The following SMPD3 variants were observed in gnomAD, a reference collection of about 807,000 sequenced individuals.
SMPD3 encodes the protein sphingomyelin phosphodiesterase 3.
SMPD3 carries 21 observed loss-of-function variants against 55.7 expected under a neutral mutation model. The ratio of observed to expected loss-of-function variants is 0.38; its 90% confidence interval spans 0.27 to 0.54. The LOEUF is 0.54. Among genes scored for constraint, SMPD3 ranks in the 20% least tolerant of loss-of-function variants. SMPD3 has a pLI of 0.80. For missense variants in SMPD3, 842 were observed against 899.6 expected (o/e 0.94, Z 0.82); for synonymous variants, 457 against 404.3 (o/e 1.13, Z -1.56).
At chr16:68,363,361 G>A in intron 7 of SMPD3, 135 bp downstream of exon 7, 1 of 966,488 alleles carries the variant, frequency 1.0e-6, no homozygotes, top group Non-Finnish European at 1.6e-6. Context: ...TCAAAGGTGA[G>A]ATGAGGGACA....
At chr16:68,392,658 T>TA (rs1321592554) in intron 1 of SMPD3, among the ~76,000 whole-genome samples, 1 of 151,864 alleles carries the variant, frequency 6.6e-6, no homozygotes, top group Non-Finnish European at 1.5e-5. Flanking sequence ...GGCCAAGAGT[T>TA]AGAGACCAGC....
intron 7 of SMPD3, 21 bp from the exon 8 acceptor site, chr16:68,361,780 C>T: frequency 6.2e-7 from 1 of 1,608,562 alleles, no homozygotes; most frequent in Non-Finnish European, 8.5e-7. Flanking sequence ...ATGCAGGAGG[C>T]AGGTGGGCCC....
chr16:68,427,505 A>G (rs1263114839), intron 1 of SMPD3, among the ~76,000 whole-genome samples: 2 of 152,250 alleles, frequency 1.3e-5, no homozygotes, highest in Non-Finnish European at 2.9e-5. Context: ...GACACTGTCC[A>G]ATATGGTAGC....
intron 1 of SMPD3, among the ~76,000 whole-genome samples, chr16:68,443,881 T>G (rs1004461599): frequency 2.6e-5 from 4 of 152,230 alleles, no homozygotes; most frequent in African/African-American, 4.8e-5. Context: ...AGATCCAGGA[T>G]GGAACCTAAA....
intron 1 of SMPD3, among the ~76,000 whole-genome samples, chr16:68,435,931 C>A (rs190783302): frequency 1.3e-5 from 2 of 152,216 alleles, no homozygotes; most frequent in African/African-American, 2.4e-5. Flanking sequence ...CTGCACCCCA[C>A]AAACACCAAG....
chr16:68,446,704 G>A (rs1365294309), intron 1 of SMPD3, among the ~76,000 whole-genome samples: 4 of 152,226 alleles, frequency 2.6e-5, no homozygotes, highest in Admixed American at 6.5e-5. Context: ...CTGATGGGGC[G>A]TGGGAGGGTC....
At chr16:68,377,453 G>A (rs2089844386) in intron 2 of SMPD3, among the ~76,000 whole-genome samples, 1 of 152,194 alleles carries the variant, frequency 6.6e-6, no homozygotes, top group Admixed American at 6.5e-5. Context: ...CTGATAATTT[G>A]TAGTCAATCT....
intron 1 of SMPD3, among the ~76,000 whole-genome samples, chr16:68,423,454 A>C (rs2090412370): frequency 6.6e-6 from 1 of 152,100 alleles, no homozygotes; most frequent in Non-Finnish European, 1.5e-5. Context: ...AGAGGAAGAG[A>C]GATCTGAGCT....
intron 1 of SMPD3, among the ~76,000 whole-genome samples, chr16:68,434,262 G>C (rs896651310): frequency 3.3e-4 from 50 of 152,134 alleles, no homozygotes; most frequent in Non-Finnish European, 6.6e-4. Context: ...GTAAATTTAT[G>C]CCCACAACTG....
intron 3 of SMPD3, among the ~76,000 whole-genome samples, chr16:68,365,621 T>C (rs2089456164): frequency 6.6e-6 from 1 of 152,146 alleles, no homozygotes; most frequent in Non-Finnish European, 1.5e-5. Flanking sequence ...TCTGGCTGCA[T>C]GGTGAGTCAT....
chr16:68,390,289 T>C (rs1417410482), intron 1 of SMPD3, among the ~76,000 whole-genome samples: 2 of 152,246 alleles, frequency 1.3e-5, no homozygotes, highest in East Asian at 3.8e-4. Context: ...CTAGCTTCTT[T>C]ACTGCATCCT....
chr16:68,384,474 C>G (rs887302453), intron 2 of SMPD3, among the ~76,000 whole-genome samples: 1 of 152,198 alleles, frequency 6.6e-6, no homozygotes, highest in Non-Finnish European at 1.5e-5. Flanking sequence ...CCTGATAGAT[C>G]TGACACCTTC....
At chr16:68,422,954 T>C (rs2090407252) in intron 1 of SMPD3, among the ~76,000 whole-genome samples, 1 of 152,186 alleles carries the variant, frequency 6.6e-6, no homozygotes, top group African/African-American at 2.4e-5. Flanking sequence ...CAGCCTGATT[T>C]AGAGGATTTT....
Position 68,374,561 on chromosome 16 carries a change from C to T in SMPD3, c.-206-2174G>A, listed in dbSNP as rs181443738. On this transcript the variant is annotated intron_variant, in intron 2 of 8. Coordinates refer to ENST00000219334, the MANE Select transcript of SMPD3 (RefSeq NM_018667.4). The stretch of plus-strand genomic sequence containing the variant: ...CCAGTGCTCGTGGCTCAGTGCTCAG[C>T]GGGACTGGTGGGTGTCCAGGTCCAC... 2.0e-3 allele frequency among the ~76,000 whole-genome samples: 303 copies of T among 152,346 alleles called. 1 individual carries two copies. The highest frequency in any genetic ancestry group is 8.4e-4 in the African/African-American group (35 of 41,562).
At chr16:68,384,499 A>T (rs1182568517) in intron 2 of SMPD3, among the ~76,000 whole-genome samples, 6 of 152,204 alleles carry the variant, frequency 3.9e-5, no homozygotes, top group African/African-American at 1.4e-4. Flanking sequence ...CTATCAAGCT[A>T]AAAACAGAAC....
chr16:68,375,246 G>C (rs186822525), intron 2 of SMPD3, among the ~76,000 whole-genome samples: 343 of 143,020 alleles, frequency 2.4e-3, no homozygotes, highest in Non-Finnish European at 3.9e-3. Context: ...ACAAAGTCCA[G>C]TCTCCCAGTC....
At position 68,365,112 on chromosome 16, in the gene SMPD3, G is replaced by A. The variant is rs373780493; in HGVS notation, c.1324-20C>T. On this transcript the variant is annotated intron_variant, in intron 3 of 8. Transcript: ENST00000219334. ...CTGCACCTGGGGGAGGAGGGGGTCA[G>A]TGCTGCCACCTGCCAGTCACTGTGG... is the stretch of plus-strand genomic sequence containing the variant. 2 of 1,613,344 alleles carry A rather than the reference G, an allele frequency of 1.2e-6. No homozygotes were observed. The highest frequency in any genetic ancestry group is 1.7e-6 in the Non-Finnish European group (2 of 1,179,650).
chr16:68,365,074 G>C lies in SMPD3; in HGVS notation c.1342C>G (p.Pro448Ala), dbSNP rs542551484. 2 of 1,614,088 alleles carry C rather than the reference G, an allele frequency of 1.2e-6. No homozygotes were observed. The highest frequency in any genetic ancestry group is 1.7e-6 in the Non-Finnish European group (2 of 1,179,988). ...LFLKVQVGST[P>A]QDQRIVGYIA... is the part of the protein sequence containing the mutation. ...TACCCGACGATTCTTTGGTCCTGAG[G>C]TGTGCTTCCCACCTGCACCTGGGGG... The change falls in exon 4 of 9, where the codon CCT becomes GCT. Residue 448 changes from proline to alanine, a missense_variant. Physicochemically the swap from Pro to Ala is conservative, Grantham distance 27. Coordinates refer to ENST00000219334, the MANE Select transcript of SMPD3 (RefSeq NM_018667.4).
rs1373320067 is a variant in SMPD3 at position 68,371,657 on chromosome 16, G to T, written c.525C>A (p.Thr175=). 11 of 1,567,070 alleles carry T rather than the reference G, an allele frequency of 7.0e-6. No homozygotes were observed. The highest frequency in any genetic ancestry group is 3.4e-4 in the Middle Eastern group (2 of 5,850). The change falls in exon 3 of 9, where the codon ACC becomes ACA. Residue 175 remains threonine (T), a synonymous_variant. Transcript: ENST00000219334. ...PQIKIYIDSP[T]NTSISAASFS... ...AGCTAGCGGCGCTGATGGAGGTATT[G>T]GTGGGGGAGTCGATGTAAATTTTGA...
Sources: gnomAD v4.1 joint callset for allele counts (sites outside exome capture counted in the v4.1 genomes callset) on GRCh38, gnomAD v4.1.1 for gene constraint, MANE v1.5 for transcripts, NCBI Gene and HGNC (gene_info 2026-07-23, HGNC 2026-07-21) for gene names.